GPHN: variants seen among roughly 807,000 people sequenced by gnomAD.
The protein encoded by GPHN is gephyrin.
GPHN carries 17 observed loss-of-function variants against 95.5 expected under a neutral mutation model. That is an observed-to-expected ratio of 0.18 (90% CI 0.12 to 0.27). The LOEUF (loss-of-function observed/expected upper bound fraction) is 0.27. Among genes scored for constraint, GPHN ranks in the 10% least tolerant of loss-of-function variants. The pLI is 1.00. For missense variants in GPHN, 660 were observed against 978.1 expected (o/e 0.67, Z 4.34); for synonymous variants, 320 against 322.5 (o/e 0.99, Z 0.08).
intron 1 of GPHN, among the ~76,000 whole-genome samples, chr14:66,570,832 T>C (rs1052207027): frequency 3.9e-5 from 6 of 152,304 alleles, no homozygotes; most frequent in South Asian, 2.1e-4. Flanking sequence ...TGATATCTTA[T>C]TGTGGTTATA....
the GPHN span, chr14:67,678,430 G>A: frequency 8.8e-6 from 14 of 1,593,752 alleles, no homozygotes; most frequent in Non-Finnish European, 1.1e-5. Context: ...GTCACTGGAA[G>A]GTAAAGAGAA....
chr14:67,080,469 CA>C (rs111667410), intron 11 of GPHN, among the ~76,000 whole-genome samples: 4,121 of 150,474 alleles, frequency 0.027, 62 homozygotes, highest in Middle Eastern at 0.034. Flanking sequence ...TGTCATATCC[CA>C]AAAAAAAATC....
chr14:67,350,991 A>G, the GPHN span, among the ~76,000 whole-genome samples: 1 of 152,204 alleles, frequency 6.6e-6, no homozygotes, highest in African/African-American at 2.4e-5. Context: ...TACTCAAACT[A>G]ATCTCTTAAA....
intron 2 of GPHN, among the ~76,000 whole-genome samples, chr14:66,687,495 T>C (rs1325680280): frequency 6.7e-6 from 1 of 148,470 alleles, no homozygotes; most frequent in African/African-American, 2.5e-5. Context: ...GGTTTTTTTT[T>C]TTTTTTTTTT....
chr14:67,036,241 A>G (rs6573745), intron 10 of GPHN, among the ~76,000 whole-genome samples: 39,662 of 151,538 alleles, frequency 0.26, 10,661 homozygotes, highest in African/African-American at 0.66. Flanking sequence ...AATAAAGGTC[A>G]TTTATGAAAA....
intron 10 of GPHN, among the ~76,000 whole-genome samples, chr14:67,037,673 A>G (rs1022387983): frequency 1.3e-5 from 2 of 151,964 alleles, no homozygotes; most frequent in Non-Finnish European, 2.9e-5. Context: ...AAGATATACA[A>G]ATGGCCAACA....
chr14:67,468,135 A>G, the GPHN span, among the ~76,000 whole-genome samples: 2 of 152,040 alleles, frequency 1.3e-5, no homozygotes, highest in Admixed American at 6.6e-5. Context: ...TACCACACCC[A>G]GCTAATTTTT....
chr14:67,579,381 T>C, the GPHN span: 1 of 1,247,342 alleles, frequency 8.0e-7, no homozygotes, highest in Non-Finnish European at 1.1e-6. Context: ...CCCTGGGCCT[T>C]AGGCTCAGGC....
chr14:66,833,515 G>C (rs1477815996), intron 4 of GPHN, among the ~76,000 whole-genome samples: 2 of 152,062 alleles, frequency 1.3e-5, no homozygotes, highest in Non-Finnish European at 2.9e-5. Flanking sequence ...GAATTCATGA[G>C]TCTCCTATCA....
Position 66,544,630 on chromosome 14 carries a change from TCA to T in GPHN, c.64+36042_64+36043del, listed in dbSNP as rs1428470395. Among the ~76,000 whole-genome samples the T allele has an allele frequency of 4.6e-5, 7 of 151,900 alleles. No homozygotes were observed. In the East Asian group the frequency reaches 1.4e-3, roughly 29 times the overall value. On this transcript the variant is annotated intron_variant, in intron 1 of 22. Coordinates refer to ENST00000478722, the MANE Select transcript of GPHN (RefSeq NM_020806.5). ...TTTATTGATCATTCTTGGGTGTTTC[TCA>T]CAGAGGGGGATTTGGCAGGGTCACA...
chr14:67,729,300 G>GGT, the GPHN span: 1 of 1,602,408 alleles, frequency 6.2e-7, no homozygotes, highest in African/African-American at 1.3e-5. Flanking sequence ...CCTTTGTCAA[G>GGT]ACGGCACGGG....
intron 11 of GPHN, among the ~76,000 whole-genome samples, chr14:67,071,446 A>T (rs1206827055): frequency 1.3e-5 from 2 of 151,742 alleles, no homozygotes; most frequent in Admixed American, 6.6e-5. Flanking sequence ...GAACACTTGG[A>T]CACAGGAAGG....
intron 9 of GPHN, among the ~76,000 whole-genome samples, chr14:66,990,301 G>A (rs768625836): frequency 6.6e-6 from 1 of 152,072 alleles, no homozygotes; most frequent in Admixed American, 6.6e-5. Flanking sequence ...AGATTTGGGT[G>A]GAGACACAGA....
the GPHN span, among the ~76,000 whole-genome samples, chr14:67,723,295 G>C: frequency 6.6e-6 from 1 of 152,136 alleles, no homozygotes; most frequent in Admixed American, 6.5e-5. Flanking sequence ...GTGCATTGGT[G>C]TAGTCATAGG....
At chr14:67,660,995 A>C in the GPHN span, among the ~76,000 whole-genome samples, 1 of 152,190 alleles carries the variant, frequency 6.6e-6, no homozygotes, top group African/African-American at 2.4e-5. Context: ...GGTCTTTCTT[A>C]AAACAGATGC....
At chr14:66,703,022 AC>A (rs983640565) in intron 2 of GPHN, among the ~76,000 whole-genome samples, 17 of 139,714 alleles carry the variant, frequency 1.2e-4, no homozygotes, top group African/African-American at 5.3e-4. Flanking sequence ...AGCCGAATCG[AC>A]CAAGTGGAAG....
At chr14:67,509,869 T>A in the GPHN span, among the ~76,000 whole-genome samples, 1 of 151,862 alleles carries the variant, frequency 6.6e-6, no homozygotes, top group Non-Finnish European at 1.5e-5. Flanking sequence ...ATTTTAAAAG[T>A]AGCTAGGTAT....
the GPHN span, among the ~76,000 whole-genome samples, chr14:67,722,876 A>G: frequency 6.6e-6 from 1 of 152,236 alleles, no homozygotes; most frequent in African/African-American, 2.4e-5. Flanking sequence ...GTGGAAAACC[A>G]GAAGGAAGCA....
chr14:66,508,509 G>C lies in GPHN; in HGVS notation c.-19G>C, dbSNP rs1253341063. 6.2e-7 allele frequency: 1 copy of C among 1,613,180 alleles called. No homozygotes were observed. Among genetic ancestry groups the C allele is most frequent in the Admixed American group, 1.7e-5 (1 of 60,032 alleles). The stretch of plus-strand genomic sequence containing the variant: ...GGTTTCTCCCGGCTCCTGTCAGTGC[G>C]GTGACTGCGCTGGGAAACATGGCGA... On this transcript the variant is annotated 5_prime_UTR_variant, in exon 1 of 23. Coordinates refer to ENST00000478722, the MANE Select transcript of GPHN (RefSeq NM_020806.5).
Sources: allele counts gnomAD v4.1 joint callset (sites outside exome capture counted in the v4.1 genomes callset), GRCh38; gene constraint gnomAD v4.1.1; transcripts MANE v1.5; gene names NCBI Gene and HGNC (gene_info 2026-07-23, HGNC 2026-07-21).